Variants in P2RY12 observed in about 807,000 individuals in gnomAD.
P2RY12 encodes the protein P2Y purinoceptor 12.
A neutral mutation model predicts 4.5 loss-of-function variants in P2RY12; 3 were observed. That is an observed-to-expected ratio of 0.67 (90% CI 0.31 to 1.74). The LOEUF is 1.74. P2RY12 is among the 40% of genes most tolerant of loss of function. The probability of loss-of-function intolerance (pLI) is 0.09; values close to 1 mark genes in which losing one functional copy is unlikely to be tolerated. For synonymous variants in P2RY12, 148 were observed against 154.1 expected (o/e 0.96, Z 0.29); for missense variants, 356 against 407.8 (o/e 0.87, Z 1.09).
chr3:151,359,713 A>C (rs1354179107), intron 1 of P2RY12, among the ~76,000 whole-genome samples: 1 of 152,110 alleles, frequency 6.6e-6, no homozygotes. Flanking sequence ...CGTCTTTAAT[A>C]ATCTGTCATC....
At chr3:151,369,355 G>A in intron 1 of P2RY12, 3 of 958,994 alleles carry the variant, frequency 3.1e-6, no homozygotes, top group Non-Finnish European at 4.7e-6. Context: ...GTCTAACAAT[G>A]AAAGGCTGAC....
chr3:151,376,303 T>A lies in P2RY12; in HGVS notation c.-180+8389A>T. On this transcript the variant is annotated intron_variant, in intron 1 of 2. Transcript: ENST00000302632. ...ACTTCCTCTCTTTTTTTGTCCTTGC[T>A]AATTTGTGATTTCAATTCTGATTTT... 3 of 1,054,712 alleles carry A rather than the reference T, an allele frequency of 2.8e-6. No individual in the cohort carries two copies. The South Asian group carries it at 8.2e-5, about 29-fold the overall frequency. 65.3% of individuals were successfully genotyped at this position (1,054,712 alleles called of 1,614,324 possible).
At chr3:151,361,707 GA>G (rs2150081908) in intron 1 of P2RY12, among the ~76,000 whole-genome samples, 1 of 152,250 alleles carries the variant, frequency 6.6e-6, no homozygotes, top group South Asian at 2.1e-4. Flanking sequence ...GTAAGTGTGA[GA>G]GACAATATTC....
intron 1 of P2RY12, chr3:151,365,292 C>G (rs1265088555): frequency 2.7e-6 from 3 of 1,098,568 alleles, no homozygotes; most frequent in African/African-American, 3.1e-5. Flanking sequence ...TAGTAAGTGT[C>G]TGGACTCACA....
intron 1 of P2RY12, among the ~76,000 whole-genome samples, chr3:151,345,435 A>G (rs1399264142): frequency 4.0e-5 from 6 of 151,528 alleles, no homozygotes; most frequent in African/African-American, 1.5e-4. Context: ...AATATTTGGT[A>G]TATTTTCTTA....
chr3:151,346,671 A>G (rs551924036), intron 1 of P2RY12, among the ~76,000 whole-genome samples: 39 of 152,182 alleles, frequency 2.6e-4, no homozygotes, highest in Admixed American at 2.0e-3. Flanking sequence ...AGGAGCATGT[A>G]TGTGCACCAT....
intron 1 of P2RY12, among the ~76,000 whole-genome samples, chr3:151,364,370 A>G (rs1020729750): frequency 6.6e-6 from 1 of 152,136 alleles, no homozygotes; most frequent in South Asian, 2.1e-4. Context: ...ATACAACATG[A>G]TAAGTTTTTA....
At chr3:151,362,585 G>A (rs1754747585) in intron 1 of P2RY12, among the ~76,000 whole-genome samples, 1 of 152,008 alleles carries the variant, frequency 6.6e-6, no homozygotes, top group Admixed American at 6.6e-5. Context: ...TACCCCCACT[G>A]TAGATTCTAT....
Position 151,337,398 on chromosome 3 carries a change from T to G in P2RY12, c.*419A>C, listed in dbSNP as rs1392075049. The G allele has an allele frequency of 5.3e-6, 1 of 188,612 alleles. No individual in the cohort carries two copies. Among genetic ancestry groups the G allele is most frequent in the Non-Finnish European group, 1.1e-5 (1 of 89,790 alleles). The allele number at this position is 188,612 out of a possible 1,614,324, so 11.7% of individuals were successfully genotyped here. A position where few individuals can be genotyped will look rare whatever the true frequency, so the allele number is the denominator to read the frequency against. ...TTAGGGGACTAGGATATATATACATTTTAACTATCATTTTTGGTAAGAAGA... is the reference window on the plus strand; with the variant it reads ...TTAGGGGACTAGGATATATATACATGTTAACTATCATTTTTGGTAAGAAGA... On this transcript the variant is annotated 3_prime_UTR_variant, in exon 3 of 3. Coordinates refer to ENST00000302632, the MANE Select transcript of P2RY12 (RefSeq NM_022788.5).
chr3:151,369,407 A>T (rs372064395), intron 1 of P2RY12: 4 of 1,425,904 alleles, frequency 2.8e-6, no homozygotes, highest in Non-Finnish European at 3.9e-6. Context: ...GATGGTAATG[A>T]GACTATTAAA....
chr3:151,380,474 A>G (rs1712070863), intron 1 of P2RY12, among the ~76,000 whole-genome samples: 3 of 151,944 alleles, frequency 2.0e-5, no homozygotes, highest in Admixed American at 1.3e-4. Flanking sequence ...GTGTGCGCCT[A>G]TGATCCCAGC....
intron 1 of P2RY12, chr3:151,355,272 C>T (rs1237072433): frequency 2.7e-6 from 4 of 1,464,098 alleles, no homozygotes; most frequent in Non-Finnish European, 3.8e-6. Flanking sequence ...TATGCATTTG[C>T]AGTATTCTAA....
At chr3:151,360,488 T>C in intron 1 of P2RY12, 2 of 1,612,568 alleles carry the variant, frequency 1.2e-6, no homozygotes, top group Non-Finnish European at 8.5e-7. Flanking sequence ...TGTGGTGTGG[T>C]CAAGCATGTC....
chr3:151,338,952 C>T, intron 2 of P2RY12, 93 bp from the exon 3 acceptor site: 1 of 1,112,640 alleles, frequency 9.0e-7, no homozygotes, highest in Non-Finnish European at 1.3e-6. Flanking sequence ...ACAGCCTCCT[C>T]TAAAAGTTGA....
intron 1 of P2RY12, chr3:151,384,147 C>G: frequency 6.2e-7 from 1 of 1,613,970 alleles, no homozygotes; most frequent in East Asian, 2.2e-5. Flanking sequence ...AGCCTCTGAC[C>G]TATCAAATGC....
chr3:151,372,641 G>T, intron 1 of P2RY12: 1 of 1,613,894 alleles, frequency 6.2e-7, no homozygotes, highest in Non-Finnish European at 8.5e-7. Flanking sequence ...TTTGCGATGT[G>T]ATGGGAATGC....
At chr3:151,355,295 T>A (rs1358963592) in intron 1 of P2RY12, 4 of 1,251,280 alleles carry the variant, frequency 3.2e-6, no homozygotes, top group East Asian at 2.3e-5. Context: ...TACTTAAAAA[T>A]TTTTTTCATG....
intron 1 of P2RY12, among the ~76,000 whole-genome samples, chr3:151,356,294 A>T (rs577313394): frequency 7.4e-4 from 113 of 152,148 alleles, no homozygotes; most frequent in Non-Finnish European, 1.5e-3. Context: ...TGGGAGGCTG[A>T]GGCAGGAGAC....
chr3:151,344,505 A>G (rs573060093), intron 1 of P2RY12, among the ~76,000 whole-genome samples: 39 of 152,306 alleles, frequency 2.6e-4, no homozygotes, highest in African/African-American at 9.1e-4. Context: ...GAGTTATTTA[A>G]TAAGCTAAAA....
Sources: allele counts gnomAD v4.1 joint callset (sites outside exome capture counted in the v4.1 genomes callset), GRCh38; gene constraint gnomAD v4.1.1; transcripts MANE v1.5; gene names NCBI Gene and HGNC (gene_info 2026-07-23, HGNC 2026-07-21).